KCNH8: variants seen among roughly 807,000 people sequenced by gnomAD.
KCNH8 encodes voltage-gated delayed rectifier potassium channel KCNH8.
Under a neutral mutation model 103.6 loss-of-function variants are expected in KCNH8, and 70 were observed. The ratio of observed to expected loss-of-function variants is 0.68; its 90% CI spans 0.56 to 0.82. The LOEUF is 0.82. Among genes scored for constraint, KCNH8 ranks in the 40% least tolerant of loss-of-function variants. The pLI is 0.00. For synonymous variants in KCNH8, 498 were observed against 489.4 expected, an observed-to-expected ratio of 1.02 and a Z score of -0.23; for missense variants, 1,217 against 1,329.9, an observed-to-expected ratio of 0.92 and a Z score of 1.32.
chr3:19,258,929 CTCTCTCTCTCTCTCTCTCTATATATA>C (rs2064383001), intron 2 of KCNH8, among the ~76,000 whole-genome samples: 1 of 82,428 alleles, frequency 1.2e-5, no homozygotes, highest in African/African-American at 4.9e-5. Context: ...CTCTCTCTCT[CTCTCTCTCTCTCTCTCTCTATATATA>C]TATATATATA....
intron 1 of KCNH8, among the ~76,000 whole-genome samples, chr3:19,173,016 A>G (rs1197058196): frequency 6.6e-6 from 1 of 152,252 alleles, no homozygotes; most frequent in African/African-American, 2.4e-5. Context: ...GGAAAAAAAC[A>G]CAATCCTAGG....
intron 1 of KCNH8, among the ~76,000 whole-genome samples, chr3:19,243,950 C>G (rs2064173546): frequency 6.6e-6 from 1 of 152,068 alleles, no homozygotes; most frequent in Non-Finnish European, 1.5e-5. Flanking sequence ...TTGCTAGATT[C>G]CACTTAACTT....
At chr3:19,187,454 G>T (rs1049541483) in intron 1 of KCNH8, among the ~76,000 whole-genome samples, 3 of 152,018 alleles carry the variant, frequency 2.0e-5, no homozygotes, top group Admixed American at 1.3e-4. Context: ...AAGTACAGAT[G>T]ACCATACCTT....
At chr3:19,274,811 CT>C (rs2064639870) in intron 2 of KCNH8, among the ~76,000 whole-genome samples, 2 of 133,708 alleles carry the variant, frequency 1.5e-5, no homozygotes, top group South Asian at 2.6e-4. Flanking sequence ...TTAATCATAA[CT>C]TGATTTCCCT....
At chr3:19,353,060 C>T (rs191679399) in intron 5 of KCNH8, among the ~76,000 whole-genome samples, 28 of 152,088 alleles carry the variant, frequency 1.8e-4, no homozygotes, top group South Asian at 1.7e-3. Flanking sequence ...ATATCATCTC[C>T]AATCCCACAG....
intron 8 of KCNH8, among the ~76,000 whole-genome samples, chr3:19,449,523 A>C (rs1575078864): frequency 6.6e-6 from 1 of 151,928 alleles, no homozygotes; most frequent in Non-Finnish European, 1.5e-5. Context: ...AACTTCCTCC[A>C]TATCTGCATT....
intron 2 of KCNH8, among the ~76,000 whole-genome samples, chr3:19,272,023 A>C (rs2064595627): frequency 6.6e-6 from 1 of 152,140 alleles, no homozygotes; most frequent in East Asian, 1.9e-4. Flanking sequence ...AAAAGACAAA[A>C]AGCAGTAGGG....
rs532818552 is a variant in KCNH8, at chr3:19,265,433, C to G, written c.310+11546C>G. Among the ~76,000 whole-genome samples the G allele has an allele frequency of 7.6e-4, 115 of 152,138 alleles. 2 individuals are homozygous for G. The highest frequency in any genetic ancestry group is 1.5e-3 in the Non-Finnish European group (103 of 67,980). ...TCTATGTGACTGCACAGACCGCATG[C>G]CCATGAGGGTGGCCTTGTACATCAT... On this transcript the variant is annotated intron_variant, in intron 2 of 15. Transcript: ENST00000328405.
At chr3:19,243,898 A>G (rs1471693338) in intron 1 of KCNH8, among the ~76,000 whole-genome samples, 1 of 152,168 alleles carries the variant, frequency 6.6e-6, no homozygotes, top group African/African-American at 2.4e-5. Flanking sequence ...TAAATTAAAT[A>G]TTTTGGGAAT....
intron 1 of KCNH8, among the ~76,000 whole-genome samples, chr3:19,218,239 TAA>T (rs1391433618): frequency 6.6e-6 from 1 of 152,238 alleles, no homozygotes; most frequent in East Asian, 1.9e-4. Context: ...AAGAAATTTT[TAA>T]AGTTTTTCAA....
intron 1 of KCNH8, among the ~76,000 whole-genome samples, chr3:19,208,665 AAAATGCTGAGCACCATT>A (rs1229444301): frequency 3.3e-5 from 5 of 152,026 alleles, no homozygotes; most frequent in African/African-American, 1.2e-4. Context: ...AGAGGACAAT[AAAATGCTGAGCACCATT>A]AAGTTCGGTG....
intron 13 of KCNH8, 56 bp downstream of exon 13, chr3:19,513,381 A>T (rs2068821070): frequency 6.6e-7 from 1 of 1,521,452 alleles, no homozygotes; most frequent in Non-Finnish European, 8.8e-7. Flanking sequence ...TTTTATACAG[A>T]GTAGTACCTG....
At chr3:19,190,759 A>G (rs1424637168) in intron 1 of KCNH8, among the ~76,000 whole-genome samples, 1 of 151,946 alleles carries the variant, frequency 6.6e-6, no homozygotes, top group Admixed American at 6.6e-5. Flanking sequence ...AATGGATGGT[A>G]GAGTTTAGGA....
At chr3:19,167,323 T>C (rs1206398618) in intron 1 of KCNH8, among the ~76,000 whole-genome samples, 1 of 152,234 alleles carries the variant, frequency 6.6e-6, no homozygotes, top group Non-Finnish European at 1.5e-5. Context: ...AATGTTGGTT[T>C]TGCTAACGTA....
At chr3:19,211,691 C>T (rs1451313730) in intron 1 of KCNH8, among the ~76,000 whole-genome samples, 1 of 152,122 alleles carries the variant, frequency 6.6e-6, no homozygotes, top group Non-Finnish European at 1.5e-5. Context: ...CAGCAGGCCT[C>T]AGGCTCCAAG....
intron 3 of KCNH8, among the ~76,000 whole-genome samples, chr3:19,293,987 G>T (rs894684181): frequency 6.6e-6 from 1 of 152,092 alleles, no homozygotes; most frequent in Non-Finnish European, 1.5e-5. Context: ...GCATTTCTCA[G>T]GTGCACATTC....
intron 2 of KCNH8, among the ~76,000 whole-genome samples, chr3:19,261,901 T>G (rs1455766246): frequency 6.6e-6 from 1 of 151,884 alleles, no homozygotes; most frequent in Non-Finnish European, 1.5e-5. Flanking sequence ...GATGTCCTTG[T>G]CAAAATTAGT....
At chr3:19,419,188 GGTTTTGGTTTTTTT>G (rs1410107307) in intron 7 of KCNH8, among the ~76,000 whole-genome samples, 18 of 75,880 alleles carry the variant, frequency 2.4e-4, no homozygotes, top group African/African-American at 8.4e-4. Flanking sequence ...TAATTAAAAT[GGTTTTGGTTTTTTT>G]TTTTTTTTTT....
intron 5 of KCNH8, among the ~76,000 whole-genome samples, chr3:19,369,311 T>G (rs1270011956): frequency 6.6e-6 from 1 of 151,942 alleles, no homozygotes; most frequent in Non-Finnish European, 1.5e-5. Context: ...TGACCCCTCC[T>G]CTCTTCCTTG....
Sources: gnomAD v4.1 joint callset for allele counts (sites outside exome capture counted in the v4.1 genomes callset) on GRCh38, gnomAD v4.1.1 for gene constraint, MANE v1.5 for transcripts, NCBI Gene and HGNC (gene_info 2026-07-23, HGNC 2026-07-21) for gene names.